The following PTPA variants were observed in gnomAD, a reference collection of about 807,000 sequenced individuals.
PTPA encodes the protein serine/threonine-protein phosphatase 2A activator.
PTPA carries 13 observed loss-of-function variants against 43.6 expected under a neutral mutation model. The observed-to-expected ratio is 0.30, with a 90% CI of 0.19 to 0.47. The LOEUF is 0.47. PTPA is among the 20% of genes least tolerant of loss of function. The pLI, the probability that PTPA is intolerant of heterozygous loss-of-function variation, is 0.99. For synonymous variants in PTPA, 172 were observed against 158.2 expected, an observed-to-expected ratio of 1.09 and a Z score of -0.66; for missense variants, 329 against 411.9, an observed-to-expected ratio of 0.80 and a Z score of 1.74.
intron 5 of PTPA, among the ~76,000 whole-genome samples, chr9:129,134,296 C>CGT (rs1850200279): frequency 1.8e-5 from 1 of 56,886 alleles, no homozygotes; most frequent in East Asian, 4.5e-4. Flanking sequence ...ACTGGTAGTT[C>CGT]TTTTTTTTTT....
chr9:129,129,155 G>A (rs375954568), intron 4 of PTPA, 45 bp downstream of exon 4: 1 of 1,603,194 alleles, frequency 6.2e-7, no homozygotes, highest in Non-Finnish European at 8.5e-7. Flanking sequence ...TGGCAGTGAG[G>A]GTGGTTCTGG....
chr9:129,136,520 G>C lies in PTPA; in HGVS notation c.610G>C (p.Ala204Pro). Reference sequence around the variant, plus strand: ...CCAGAAAACATACAGGATGGAGCCAGCCGGCAGCCAGGGAGTGTGGGGTCT... The same window carrying C: ...CCAGAAAACATACAGGATGGAGCCACCCGGCAGCCAGGGAGTGTGGGGTCT... Reference protein sequence around the residue: ...KLQKTYRMEPAGSQGVWGLDD... With the variant: ...KLQKTYRMEPPGSQGVWGLDD... The change falls in exon 7 of 10, where the codon GCC (alanine) becomes CCC (proline). Residue 204 changes from alanine to proline, a missense_variant. By Grantham distance (27) the Ala-to-Pro change is conservative. Coordinates refer to ENST00000393370, the MANE Select transcript of PTPA (RefSeq NM_178000.3). 1 of 1,614,004 alleles carries C rather than the reference G, an allele frequency of 6.2e-7. No individual in the cohort carries two copies. Among genetic ancestry groups the C allele is most frequent in the South Asian group, 1.1e-5 (1 of 91,048 alleles).
intron 7 of PTPA, 144 bp downstream of exon 7, chr9:129,136,739 G>A: frequency 8.9e-7 from 1 of 1,121,590 alleles, no homozygotes; most frequent in Non-Finnish European, 1.2e-6. Flanking sequence ...CATTAGACCA[G>A]CTATTGAGGG....
chr9:129,111,838 G>C (rs1848519004), intron 1 of PTPA: 1 of 1,203,494 alleles, frequency 8.3e-7, no homozygotes, highest in East Asian at 3.2e-5. Context: ...GCTGCAAAGG[G>C]GTGGTGATTG....
In PTPA at chr9:129,143,346, TC is replaced by T. The variant is rs144460529; in HGVS notation, c.894+796del. ...GAAGTTCCACACCTGGAGTGATGGG[TC>T]CTTAAAGTCCCTTCTTTCTGTTCTC... On this transcript the variant is annotated intron_variant, in intron 9 of 9. Coordinates refer to ENST00000393370, the MANE Select transcript of PTPA (RefSeq NM_178000.3). 3.9e-4 allele frequency: 277 copies of T among 703,024 alleles called. 1 individual carries two copies. The African/African-American group carries it at 4.1e-3, about 10-fold the overall frequency. The allele number at this position is 703,024 out of a possible 1,614,324, so 43.5% of individuals were successfully genotyped here.
intron 5 of PTPA, among the ~76,000 whole-genome samples, chr9:129,133,836 T>C (rs1850156323): frequency 6.6e-6 from 1 of 152,232 alleles, no homozygotes; most frequent in Admixed American, 6.5e-5. Flanking sequence ...GCCTCCTTAG[T>C]GTTCCTCAAA....
At chr9:129,131,473 G>A (rs1276240957) in intron 4 of PTPA, 49 bp from the exon 5 acceptor site, 1 of 1,568,690 alleles carries the variant, frequency 6.4e-7, no homozygotes, top group Non-Finnish European at 8.8e-7. Context: ...CTGCCCACTG[G>A]GATGCTGCTT....
intron 9 of PTPA, among the ~76,000 whole-genome samples, chr9:129,145,973 G>C (rs1338154150): frequency 6.6e-6 from 1 of 152,156 alleles, no homozygotes; most frequent in Non-Finnish European, 1.5e-5. Flanking sequence ...GTGGCTCTGA[G>C]GGGGCTGGCT....
chr9:129,147,156 C>T (rs1037087952), intron 9 of PTPA, among the ~76,000 whole-genome samples: 3 of 146,618 alleles, frequency 2.0e-5, no homozygotes, highest in African/African-American at 7.6e-5. Flanking sequence ...CGGTTTCTAC[C>T]TTGTAGGTTT....
rs765108285 is a variant in PTPA, at chr9:129,123,083, C to T, written c.161C>T (p.Thr54Ile). Residue 54 changes from threonine (T) to isoleucine (I), a missense_variant, in exon 3 of 10, where the codon ACC (threonine) becomes ATC (isoleucine). Coordinates refer to ENST00000393370, the MANE Select transcript of PTPA (RefSeq NM_178000.3). Reference protein sequence around the residue: ...AYADYIGFILTLNEGVKGKKL... With the variant: ...AYADYIGFILILNEGVKGKKL... ...GCTGACTACATCGGATTCATCCTTA[C>T]CCTCAACGAAGGTGTGAAGGGGAAG... 6.2e-7 allele frequency: 1 copy of T among 1,612,184 alleles called. No homozygotes were observed. Among genetic ancestry groups the T allele is most frequent in the South Asian group, 1.1e-5 (1 of 91,062 alleles).
Position 129,128,500 on chromosome 9 carries a change from C to T in PTPA, c.217-485C>T, listed in dbSNP as rs1252596868. On this transcript the variant is annotated intron_variant, in intron 3 of 9. Transcript: ENST00000393370. ...GCAGTGAGCCGAGATTGCACCACTG[C>T]ACTCCAGCCTGGGCAACAAGAGCGA... 3.4e-5 allele frequency among the ~76,000 whole-genome samples: 5 copies of T among 148,658 alleles called. No homozygotes were observed. In the East Asian group the frequency reaches 9.8e-4, roughly 29 times the overall value.
chr9:129,143,818 C>T (rs1257154371), intron 9 of PTPA, among the ~76,000 whole-genome samples: 1 of 152,052 alleles, frequency 6.6e-6, no homozygotes, highest in Non-Finnish European at 1.5e-5. Context: ...CCGACTCTGC[C>T]CTGGGTCACT....
intron 1 of PTPA, among the ~76,000 whole-genome samples, chr9:129,116,568 G>A (rs1006011381): frequency 1.7e-4 from 26 of 152,172 alleles, no homozygotes; most frequent in African/African-American, 6.0e-4. Context: ...TGTATTTTTA[G>A]TAGAGACGGG....
chr9:129,142,890 G>T (rs957783763), intron 9 of PTPA: 3 of 1,500,872 alleles, frequency 2.0e-6, no homozygotes, highest in Non-Finnish European at 1.8e-6. Flanking sequence ...CTCAAAGCTC[G>T]GGCAGTCTGA....
intron 1 of PTPA, among the ~76,000 whole-genome samples, chr9:129,115,352 G>A (rs926882886): frequency 1.3e-5 from 2 of 152,106 alleles, no homozygotes; most frequent in Non-Finnish European, 2.9e-5. Context: ...TCTCTTTCTG[G>A]GGCCTTGGTT....
Position 129,147,014 on chromosome 9 carries a change from A to G in PTPA, c.895-373A>G, listed in dbSNP as rs1851348301. Among the ~76,000 whole-genome samples, 3 of 152,074 alleles carry G rather than the reference A, an allele frequency of 2.0e-5. No individual in the cohort carries two copies. In the South Asian group the frequency reaches 6.2e-4, roughly 31 times the overall value. On this transcript the variant is annotated intron_variant, in intron 9 of 9. Coordinates refer to ENST00000393370, the MANE Select transcript of PTPA (RefSeq NM_178000.3). ...CCTCAGCCTCTTAGGCTTACGTTCA[A>G]ATGTCCCCACGTCTCTTCTCTAGAA... is the stretch of plus-strand genomic sequence containing the variant.
At chr9:129,145,587 GTCAGCC>G (rs1203166973) in intron 9 of PTPA, among the ~76,000 whole-genome samples, 1 of 152,156 alleles carries the variant, frequency 6.6e-6, no homozygotes, top group Non-Finnish European at 1.5e-5. Flanking sequence ...ATTGAGGGGA[GTCAGCC>G]TCCTGGGCTG....
chr9:129,121,229 C>T lies in PTPA; in HGVS notation c.129+619C>T, dbSNP rs17508770. Among the ~76,000 whole-genome samples the T allele has an allele frequency of 5.0e-3, 769 of 152,310 alleles. 5 individuals are homozygous for T. The highest frequency in any genetic ancestry group is 0.017 in the African/African-American group (715 of 41,574). ...CTCTGGCCCAGTTCTCGTCAGGCTC[C>T]TGCTCCCGGCCTGGTGAGCTGGGCT... On this transcript the variant is annotated intron_variant, in intron 2 of 9. Transcript: ENST00000393370.
rs1235681532 is a variant in PTPA, at chr9:129,131,658, G to T, written c.460+19G>T. 6.2e-6 allele frequency: 10 copies of T among 1,606,178 alleles called. No homozygotes were observed. The South Asian group carries it at 8.8e-5, about 14-fold the overall frequency. On this transcript the variant is annotated intron_variant, in intron 5 of 9. Coordinates refer to ENST00000393370, the MANE Select transcript of PTPA (RefSeq NM_178000.3). ...GGCACAGGTATCTGCTGCTTGTGGG[G>T]CTCTGTACTTATCTAGCTTCACTGC...
Sources: allele counts gnomAD v4.1 joint callset (sites outside exome capture counted in the v4.1 genomes callset), GRCh38; gene constraint gnomAD v4.1.1; transcripts MANE v1.5; gene names NCBI Gene and HGNC (gene_info 2026-07-23, HGNC 2026-07-21).